MBD5: variants seen among roughly 807,000 people sequenced by gnomAD.
MBD5 encodes the protein methyl-CpG-binding domain protein 5.
In MBD5, 13 loss-of-function variants were observed where a neutral mutation model predicts 117.3. The observed-to-expected ratio is 0.11, with a 90% CI of 0.07 to 0.18. The LOEUF (loss-of-function observed/expected upper bound fraction) is 0.18. MBD5 is among the 10% of genes least tolerant of loss of function. The pLI is 1.00. For synonymous variants in MBD5, 727 were observed against 766.4 expected (o/e 0.95, Z 0.85); for missense variants, 1,879 against 2,093.8 (o/e 0.90, Z 2.00).
At chr2:148,340,345 G>A (rs573750806) in intron 3 of MBD5, among the ~76,000 whole-genome samples, 38 of 152,130 alleles carry the variant, frequency 2.5e-4, no homozygotes, top group African/African-American at 9.2e-4. Flanking sequence ...ATTTTTTATT[G>A]TTAAATTTAG....
chr2:148,022,491 A>G (rs189378831), intron 1 of MBD5, among the ~76,000 whole-genome samples: 59 of 152,278 alleles, frequency 3.9e-4, no homozygotes, highest in Non-Finnish European at 7.2e-4. Flanking sequence ...CTATTTTATA[A>G]TTAATCTGGG....
At chr2:148,230,899 T>A (rs1574167401) in intron 2 of MBD5, among the ~76,000 whole-genome samples, 1 of 152,218 alleles carries the variant, frequency 6.6e-6, no homozygotes, top group Non-Finnish European at 1.5e-5. Flanking sequence ...CCTACCCTGC[T>A]GTGGCTGAGC....
At chr2:148,265,631 A>G (rs546532299) in intron 3 of MBD5, among the ~76,000 whole-genome samples, 99 of 152,292 alleles carry the variant, frequency 6.5e-4, no homozygotes, top group Admixed American at 1.3e-3. Context: ...AAAATATAAC[A>G]CATTTTAAAG....
chr2:148,483,345 C>T lies in MBD5; in HGVS notation c.2754C>T (p.Leu918=), dbSNP rs1681225134. The T allele has an allele frequency of 6.2e-7, 1 of 1,613,962 alleles. No homozygotes were observed. The highest frequency in any genetic ancestry group is 1.3e-5 in the African/African-American group (1 of 74,918). The change falls in exon 9 of 14, where the codon CTC becomes CTT. Residue 918 remains leucine, a synonymous_variant. Coordinates refer to ENST00000642680, the MANE Select transcript of MBD5 (RefSeq NM_001378120.1). The stretch of plus-strand genomic sequence containing the variant: ...TTCCACACCCCTTGAACCCCAGCCT[C>T]CTCAGTTCTCTACCTATCTCTTTGC... ...NHLPHPLNPS[L]LSSLPISLPV...
chr2:148,358,618 C>CAAAAAAAA (rs35838466), intron 4 of MBD5, among the ~76,000 whole-genome samples: 1 of 82,506 alleles, frequency 1.2e-5, no homozygotes, highest in African/African-American at 4.6e-5. Context: ...ACTAAAAATA[C>CAAAAAAAA]AAAAAAAAAA....
intron 2 of MBD5, among the ~76,000 whole-genome samples, chr2:148,194,438 T>C (rs1407304351): frequency 9.2e-5 from 1 of 10,920 alleles, no homozygotes; most frequent in African/African-American, 1.5e-4. Flanking sequence ...CCATAAAAAA[T>C]GATGAGTTCA....
At chr2:148,053,850 A>G (rs968464274) in intron 1 of MBD5, 1 of 151,530 alleles carries the variant, frequency 6.6e-6, no homozygotes. Flanking sequence ...TACTGATCCA[A>G]TGAAGTTTTT....
At chr2:148,091,339 C>T (rs182288301) in intron 1 of MBD5, among the ~76,000 whole-genome samples, 7 of 152,044 alleles carry the variant, frequency 4.6e-5, no homozygotes, top group Admixed American at 1.3e-4. Flanking sequence ...AAAAAGAACC[C>T]GCATAGCCAA....
chr2:148,361,376 AAC>A (rs1703529098), intron 4 of MBD5, among the ~76,000 whole-genome samples: 3 of 152,208 alleles, frequency 2.0e-5, no homozygotes, highest in African/African-American at 7.2e-5. Flanking sequence ...CAAAAAAAAA[AAC>A]GTGTTGGATT....
chr2:148,197,654 G>A (rs1699022103), intron 2 of MBD5, among the ~76,000 whole-genome samples: 1 of 152,080 alleles, frequency 6.6e-6, no homozygotes, highest in Non-Finnish European at 1.5e-5. Flanking sequence ...AATAAAGTAT[G>A]ATGCTTCATT....
chr2:148,023,514 C>T (rs1425404723), intron 1 of MBD5, among the ~76,000 whole-genome samples: 1 of 152,100 alleles, frequency 6.6e-6, no homozygotes, highest in Non-Finnish European at 1.5e-5. Context: ...GTAATTAGTG[C>T]ACTTAAGCAG....
chr2:148,493,610 A>G (rs1385263074), intron 11 of MBD5, among the ~76,000 whole-genome samples: 4 of 152,204 alleles, frequency 2.6e-5, no homozygotes, highest in Admixed American at 2.0e-4. Context: ...GATAATTGCC[A>G]AGGGCTGAGA....
intron 3 of MBD5, among the ~76,000 whole-genome samples, chr2:148,270,758 T>C (rs904717737): frequency 1.3e-5 from 2 of 152,116 alleles, no homozygotes; most frequent in Admixed American, 6.6e-5. Context: ...CTAAAGTTCA[T>C]TGCATTTTGT....
At chr2:148,356,722 A>G (rs1018500622) in intron 4 of MBD5, among the ~76,000 whole-genome samples, 3 of 151,258 alleles carry the variant, frequency 2.0e-5, no homozygotes, top group Non-Finnish European at 2.9e-5. Context: ...GTTCTTTCCA[A>G]CTCTCCATTA....
In MBD5 at chr2:148,513,016, TAGCCACAG is replaced by T; in HGVS notation, c.*76_*83del. 7.6e-7 allele frequency: 1 copy of T among 1,313,590 alleles called. No homozygotes were observed. Among genetic ancestry groups the T allele is most frequent in the South Asian group, 1.2e-5 (1 of 84,962 alleles). 81.4% of individuals were successfully genotyped at this position (1,313,590 alleles called of 1,614,324 possible). On this transcript the variant is annotated 3_prime_UTR_variant, in exon 14 of 14. Transcript: ENST00000642680. ...ATGTATCTGTATATAGGTATTGATA[TAGCCACAG>T]TTATATCAATATTTAGACTATGGCA...
At chr2:148,446,602 C>CTGTGTGTGTGTGTGTG (rs1185100489) in intron 4 of MBD5, among the ~76,000 whole-genome samples, 4,204 of 148,816 alleles carry the variant, frequency 0.028, 92 homozygotes, top group African/African-American at 0.045. Flanking sequence ...GATTATTTAT[C>CTGTGTGTGTGTGTGTG]TGTGTGTGTG....
chr2:148,180,318 A>G (rs1328105246), intron 2 of MBD5, among the ~76,000 whole-genome samples: 1 of 143,774 alleles, frequency 7.0e-6, no homozygotes, highest in Non-Finnish European at 1.5e-5. Context: ...TCTAAATCAG[A>G]TCCTTCTAGT....
chr2:148,321,404 G>A (rs1205479273), intron 3 of MBD5, among the ~76,000 whole-genome samples: 1 of 152,192 alleles, frequency 6.6e-6, no homozygotes. Context: ...CATGCAGCCT[G>A]CAGGCCATGC....
chr2:148,387,211 A>G (rs999372992), intron 4 of MBD5, among the ~76,000 whole-genome samples: 25 of 152,342 alleles, frequency 1.6e-4, no homozygotes, highest in Non-Finnish European at 3.5e-4. Flanking sequence ...AAGAAAATAC[A>G]TCGTGACCAC....
Sources: allele counts gnomAD v4.1 joint callset (sites outside exome capture counted in the v4.1 genomes callset), GRCh38; gene constraint gnomAD v4.1.1; transcripts MANE v1.5; gene names NCBI Gene and HGNC (gene_info 2026-07-23, HGNC 2026-07-21).